PMFBP1: variants seen among roughly 807,000 people sequenced by gnomAD.
PMFBP1 encodes polyamine modulated factor 1 binding protein 1.
In PMFBP1, 131 loss-of-function variants were observed where a neutral mutation model predicts 137.8. The observed-to-expected ratio is 0.95, with a 90% CI of 0.82 to 1.10. PMFBP1 has a LOEUF of 1.10. Among genes scored for constraint, PMFBP1 ranks in the 50% least tolerant of loss-of-function variants. The probability of loss-of-function intolerance (pLI) is 0.00; values close to 1 mark genes in which losing one functional copy is unlikely to be tolerated. For synonymous variants in PMFBP1, 490 were observed against 450.4 expected (o/e 1.09, Z -1.11); for missense variants, 1,199 against 1,175.4 (o/e 1.02, Z -0.29).
At chr16:72,162,193 G>A (rs541310109) in intron 3 of PMFBP1, among the ~76,000 whole-genome samples, 1 of 152,300 alleles carries the variant, frequency 6.6e-6, no homozygotes, top group East Asian at 1.9e-4. Flanking sequence ...GGGAAGTGAG[G>A]TGCAAATTTT....
the PMFBP1 span, among the ~76,000 whole-genome samples, chr16:72,225,649 G>A: frequency 6.6e-6 from 1 of 150,626 alleles, no homozygotes; most frequent in East Asian, 1.9e-4. Context: ...GGAGTTCAAG[G>A]TTACAGTGAG....
chr16:72,140,464 T>A lies in PMFBP1; in HGVS notation c.755A>T (p.Gln252Leu), dbSNP rs1000105982. 1 of 1,614,116 alleles carries A rather than the reference T, an allele frequency of 6.2e-7. No individual in the cohort carries two copies. The highest frequency in any genetic ancestry group is 1.7e-5 in the Admixed American group (1 of 60,028). The part of the protein sequence containing the change: ...LSEVWQKVSQ[Q>L]DDLIQELRNK... ...TCGAAGTTCTTGAATGAGATCATCCTGTTGAGAGACCTTTTGCCAGACTTC... is the reference window on the plus strand; with the variant it reads ...TCGAAGTTCTTGAATGAGATCATCCAGTTGAGAGACCTTTTGCCAGACTTC... Residue 252 changes from glutamine (Q) to leucine (L), a missense_variant, in exon 6 of 21, where the codon CAG becomes CTG. By Grantham distance (113) the Gln-to-Leu change is moderately radical. Coordinates refer to ENST00000237353, the MANE Select transcript of PMFBP1 (RefSeq NM_031293.3).
the PMFBP1 span, chr16:72,224,964 A>G: frequency 2.0e-5 from 3 of 152,234 alleles, no homozygotes; most frequent in Admixed American, 2.0e-4. Context: ...AATAAAATTT[A>G]TGTGTTTTGA....
chr16:72,190,029 C>CA, the PMFBP1 span, among the ~76,000 whole-genome samples: 1 of 152,076 alleles, frequency 6.6e-6, no homozygotes, highest in Non-Finnish European at 1.5e-5. Context: ...AAAAAAATCT[C>CA]AAAAAACCAA....
chr16:72,126,309 G>A (rs751644766), intron 14 of PMFBP1, among the ~76,000 whole-genome samples, 177 bp from the exon 15 acceptor site: 4 of 152,204 alleles, frequency 2.6e-5, no homozygotes, highest in Non-Finnish European at 2.9e-5. Context: ...TGTCTTTCCA[G>A]GCTCTTTTGC....
chr16:72,198,417 A>G, the PMFBP1 span, among the ~76,000 whole-genome samples: 75,547 of 152,012 alleles, frequency 0.5, 20,512 homozygotes, highest in African/African-American at 0.72. Context: ...CAATATTCAG[A>G]AGGGCTACTC....
At chr16:72,191,368 C>A in the PMFBP1 span, among the ~76,000 whole-genome samples, 1 of 152,194 alleles carries the variant, frequency 6.6e-6, no homozygotes, top group East Asian at 1.9e-4. Flanking sequence ...AAAGGTCAGG[C>A]ACATGCCACT....
At chr16:72,135,218 C>T (rs2042605947) in intron 9 of PMFBP1, among the ~76,000 whole-genome samples, 1 of 152,004 alleles carries the variant, frequency 6.6e-6, no homozygotes, top group South Asian at 2.1e-4. Flanking sequence ...CTCTTGTTGC[C>T]CAGGCTGGAG....
chr16:72,143,837 T>A (rs992703976), intron 5 of PMFBP1, among the ~76,000 whole-genome samples: 1 of 151,926 alleles, frequency 6.6e-6, no homozygotes, highest in Non-Finnish European at 1.5e-5. Flanking sequence ...GGTCAGGAGT[T>A]CGAGGCCAGC....
Position 72,128,667 on chromosome 16 carries a change from A to C in PMFBP1, c.2078T>G (p.Leu693Trp). 6.2e-7 allele frequency: 1 copy of C among 1,614,000 alleles called. No individual in the cohort carries two copies. The highest frequency in any genetic ancestry group is 8.5e-7 in the Non-Finnish European group (1 of 1,180,002). ...TTCCTGTCTACTCACCTCTTTATTC[A>C]AGTCTTGGATGACTTGCTGGCTGGT... ...YNTSQQVIQDLNKEIALQKES... is the reference protein window; with the variant it reads ...YNTSQQVIQDWNKEIALQKES... Residue 693 changes from leucine to tryptophan, a missense_variant, in exon 14 of 21, where the codon TTG becomes TGG. Physicochemically the swap from Leu to Trp is moderately conservative, Grantham distance 61. Coordinates refer to ENST00000237353, the MANE Select transcript of PMFBP1 (RefSeq NM_031293.3).
chr16:72,239,798 A>G, the PMFBP1 span, among the ~76,000 whole-genome samples: 1 of 150,172 alleles, frequency 6.7e-6, no homozygotes, highest in East Asian at 2.0e-4. Context: ...AGGCACGAGA[A>G]TCGCTTAAAC....
the PMFBP1 span, among the ~76,000 whole-genome samples, chr16:72,207,438 G>A: frequency 1.3e-5 from 2 of 152,194 alleles, no homozygotes; most frequent in Admixed American, 6.5e-5. Flanking sequence ...AATTTTAGGA[G>A]AGATAGGGGC....
At chr16:72,198,865 C>T in the PMFBP1 span, among the ~76,000 whole-genome samples, 1 of 151,024 alleles carries the variant, frequency 6.6e-6, no homozygotes, top group South Asian at 2.1e-4. Flanking sequence ...GTACGGCCGC[C>T]GATCACAGAA....
intron 7 of PMFBP1, among the ~76,000 whole-genome samples, chr16:72,137,301 G>C (rs73580607): frequency 6.6e-6 from 1 of 152,272 alleles, no homozygotes; most frequent in African/African-American, 2.4e-5. Context: ...AAATAATGTG[G>C]AGCAAAAGAC....
chr16:72,202,465 A>G, the PMFBP1 span, among the ~76,000 whole-genome samples: 1 of 152,192 alleles, frequency 6.6e-6, no homozygotes, highest in African/African-American at 2.4e-5. Context: ...GGCGTGAGCC[A>G]CTGAGCCTGG....
intron 17 of PMFBP1, among the ~76,000 whole-genome samples, chr16:72,124,236 C>T (rs995272218): frequency 1.2e-4 from 18 of 152,224 alleles, no homozygotes; most frequent in African/African-American, 4.3e-4. Flanking sequence ...GTCTCAAACT[C>T]CTGGACTCAA....
At chr16:72,191,430 A>T in the PMFBP1 span, among the ~76,000 whole-genome samples, 1 of 152,248 alleles carries the variant, frequency 6.6e-6, no homozygotes, top group Non-Finnish European at 1.5e-5. Flanking sequence ...TTATTGGAGC[A>T]ATGTATGGAC....
chr16:72,206,187 G>C, the PMFBP1 span, among the ~76,000 whole-genome samples: 1 of 152,120 alleles, frequency 6.6e-6, no homozygotes, highest in Non-Finnish European at 1.5e-5. Flanking sequence ...TTCTAGCTGT[G>C]AGCCTTGGGC....
At chr16:72,239,901 G>GAAAAA in the PMFBP1 span, among the ~76,000 whole-genome samples, 1 of 87,780 alleles carries the variant, frequency 1.1e-5, no homozygotes, top group Non-Finnish European at 2.2e-5. Context: ...AAAAAAAAAA[G>GAAAAA]AAAAAAAAAA....
Sources: gnomAD v4.1 joint callset for allele counts (sites outside exome capture counted in the v4.1 genomes callset) on GRCh38, gnomAD v4.1.1 for gene constraint, MANE v1.5 for transcripts, NCBI Gene and HGNC (gene_info 2026-07-23, HGNC 2026-07-21) for gene names.